The following AMELX variants were observed in gnomAD, a reference collection of about 807,000 sequenced individuals.
The protein encoded by AMELX is amelogenin, X isoform.
Under a neutral mutation model 15.8 loss-of-function variants are expected in AMELX, and 9 were observed. The ratio of observed to expected loss-of-function variants is 0.57; its 90% CI spans 0.34 to 0.99. AMELX has a LOEUF of 0.99. AMELX is among the 50% of genes least tolerant of loss of function. AMELX has a pLI of 0.02. For missense variants in AMELX, 107 were observed against 156.2 expected (o/e 0.68, Z 1.68); for synonymous variants, 61 against 58.8 (o/e 1.04, Z -0.17).
rs200163085 is a variant in AMELX at position 11,298,155 on chromosome X, A to G, written c.103-81A>G. ...GACAGGACTGCATTAGTGAGTCTATATTTCCTACTGCATCAGTGAGTTTCT... is the reference window on the plus strand; with the variant it reads ...GACAGGACTGCATTAGTGAGTCTATGTTTCCTACTGCATCAGTGAGTTTCT... On this transcript the variant is annotated intron_variant, in intron 3 of 5. Coordinates refer to ENST00000380714, the MANE Select transcript of AMELX (RefSeq NM_001142.2). The G allele has an allele frequency of 4.6e-3, 5,573 of 1,207,408 alleles. 17 individuals carry two copies. Among genetic ancestry groups the G allele is most frequent in the Middle Eastern group, 0.019 (82 of 4,329 alleles).
At chrX:11,301,247 C>T (rs2147580494), downstream of AMELX, among the ~76,000 whole-genome samples, 1 of 111,890 alleles carries the variant, frequency 8.9e-6, no homozygotes, top group Admixed American at 9.4e-5. Flanking sequence ...TAAAGTTATT[C>T]AAGTAATTTG....
chrX:11,306,691 C>T, the AMELX span, among the ~76,000 whole-genome samples: 2 of 112,129 alleles, frequency 1.8e-5, no homozygotes, highest in East Asian at 2.8e-4. Flanking sequence ...ATTCGTCATC[C>T]GCCTCTAGGA....
At chrX:11,296,622 C>G (rs2048088804) in intron 2 of AMELX, among the ~76,000 whole-genome samples, 157 bp from the exon 3 acceptor site, 1 of 111,824 alleles carries the variant, frequency 8.9e-6, no homozygotes, top group Admixed American at 9.5e-5. Context: ...AAACAGACCT[C>G]AAGTATATTC....
At position 11,298,283 on chromosome X, in the gene AMELX, T is replaced by C. The variant is rs994543951; in HGVS notation, c.144+6T>C. 2.5e-6 allele frequency: 3 copies of C among 1,207,564 alleles called. No homozygotes were observed. In the African/African-American group the frequency reaches 5.3e-5, roughly 21 times the overall value. On this transcript the variant is annotated splice_donor_region_variant and intron_variant, in intron 4 of 5. Coordinates refer to ENST00000380714, the MANE Select transcript of AMELX (RefSeq NM_001142.2). Reference sequence around the variant, plus strand: ...ACCAGAGCATAAGGCCACCGGTATGTAGACATTTTGTTCCTTATTCCCTGA... The same window carrying C: ...ACCAGAGCATAAGGCCACCGGTATGCAGACATTTTGTTCCTTATTCCCTGA...
Position 11,298,232 on chromosome X carries a change from T to G in AMELX, c.103-4T>G. 1 of 1,211,423 alleles carries G rather than the reference T, an allele frequency of 8.3e-7. No homozygotes were observed. The highest frequency in any genetic ancestry group is 1.8e-5 in the South Asian group (1 of 56,969). On this transcript the variant is annotated splice_polypyrimidine_tract_variant and splice_region_variant and intron_variant, in intron 3 of 5. Coordinates refer to ENST00000380714, the MANE Select transcript of AMELX (RefSeq NM_001142.2). ...AATGGGTTCTAATATCTTTTTCTCT[T>G]AAGGTGCTTACCCCTTTGAAGTGGT...
intron 3 of AMELX, 51 bp downstream of exon 3, chrX:11,296,877 T>G (rs762338830): frequency 8.6e-7 from 1 of 1,159,832 alleles, no homozygotes; most frequent in Admixed American, 2.2e-5. Context: ...AACAATGCCC[T>G]GGGCTCTGTA....
rs779323924 is a variant in AMELX, at chrX:11,298,235, G to A, written c.103-1G>A. 5 of 1,211,215 alleles carry A rather than the reference G, an allele frequency of 4.1e-6. No individual in the cohort carries two copies. The highest frequency in any genetic ancestry group is 5.6e-6 in the Non-Finnish European group (5 of 895,082). On this transcript the variant is annotated splice_acceptor_variant, in intron 3 of 5. Coordinates refer to ENST00000380714, the MANE Select transcript of AMELX (RefSeq NM_001142.2). LOFTEE classifies it high-confidence loss of function. Reference sequence around the variant, plus strand: ...GGGTTCTAATATCTTTTTCTCTTAAGGTGCTTACCCCTTTGAAGTGGTACC... The same window carrying A: ...GGGTTCTAATATCTTTTTCTCTTAAAGTGCTTACCCCTTTGAAGTGGTACC...
At chrX:11,306,372 C>G in the AMELX span, among the ~76,000 whole-genome samples, 1 of 112,715 alleles carries the variant, frequency 8.9e-6, no homozygotes. Flanking sequence ...GGAAAAATAC[C>G]TGGAAACTGG....
intron 3 of AMELX, 52 bp downstream of exon 3, chrX:11,296,878 G>C: frequency 8.6e-7 from 1 of 1,163,098 alleles, no homozygotes. Context: ...ACAATGCCCT[G>C]GGCTCTGTAA....
At chrX:11,295,832 A>C (rs1231556639) in intron 2 of AMELX, among the ~76,000 whole-genome samples, 1 of 111,942 alleles carries the variant, frequency 8.9e-6, no homozygotes, top group Non-Finnish European at 1.9e-5. Context: ...ATGAAATGTG[A>C]GCATTTTTAA....
intron 1 of AMELX, among the ~76,000 whole-genome samples, 155 bp from the exon 2 acceptor site, chrX:11,294,622 C>G (rs1222451073): frequency 8.9e-6 from 1 of 112,197 alleles, no homozygotes; most frequent in Non-Finnish European, 1.9e-5. Flanking sequence ...AGGCTGAGAG[C>G]TGGAAATCAC....
intron 2 of AMELX, among the ~76,000 whole-genome samples, chrX:11,296,498 T>C (rs958197753): frequency 1.8e-5 from 2 of 111,888 alleles, no homozygotes; most frequent in African/African-American, 3.3e-5. Context: ...TGCTGGTTTC[T>C]GCTTCCAGGT....
chrX:11,293,930 C>CTT (rs774054710), intron 1 of AMELX, among the ~76,000 whole-genome samples: 1 of 112,298 alleles, frequency 8.9e-6, no homozygotes, highest in Non-Finnish European at 1.9e-5. Flanking sequence ...ATATTCACTT[C>CTT]TTATACAAAA....
chrX:11,304,777 CTTTTTTTTTT>C (rs953912280), downstream of AMELX, among the ~76,000 whole-genome samples: 493 of 50,272 alleles, frequency 9.8e-3, 9 homozygotes, highest in African/African-American at 0.04. Flanking sequence ...CTTTCTTTTA[CTTTTTTTTTT>C]TTTTTTTTTT....
the AMELX span, among the ~76,000 whole-genome samples, chrX:11,305,900 G>C: frequency 1.4e-3 from 155 of 112,147 alleles, no homozygotes; most frequent in Non-Finnish European, 2.1e-3. Context: ...ATTGTAAGGA[G>C]AGAAGATGAT....
chrX:11,294,895 A>G (rs2048055595), intron 2 of AMELX, 53 bp downstream of exon 2: 1 of 1,161,797 alleles, frequency 8.6e-7, no homozygotes, highest in African/African-American at 1.8e-5. Context: ...AAACTTGGAC[A>G]TAAAAATCTG....
Position 11,300,688 on chromosome X carries a change from T to C in AMELX, c.*76T>C, listed in dbSNP as rs1385588941. ...ACACAAGAACACAATGATTTTTGCT[T>C]ATAATCACTTTACTTAGCAAATTCT... On this transcript the variant is annotated 3_prime_UTR_variant, in exon 6 of 6. Transcript: ENST00000380714. The C allele has an allele frequency of 3.0e-6, 3 of 1,000,346 alleles. No homozygotes were observed. The highest frequency in any genetic ancestry group is 4.2e-6 in the Non-Finnish European group (3 of 714,331). The allele number at this position is 1,000,346 out of a possible 1,213,427, so 82.4% of individuals were successfully genotyped here. A position where few individuals can be genotyped will look rare whatever the true frequency, so the allele number is the denominator to read the frequency against.
In AMELX at chrX:11,300,759, T is replaced by G. The variant is rs1264496428; in HGVS notation, c.*147T>G. The G allele has an allele frequency of 1.1e-5, 6 of 545,309 alleles. No homozygotes were observed. The highest frequency in any genetic ancestry group is 1.9e-5 in the Non-Finnish European group (6 of 323,089). 44.9% of individuals were successfully genotyped at this position (545,309 alleles called of 1,213,427 possible). ...AGCAGACAATAAAATGCATTAAAAATCATTCATGTCTTTGTGTTGAATGAA... is the reference window on the plus strand; with the variant it reads ...AGCAGACAATAAAATGCATTAAAAAGCATTCATGTCTTTGTGTTGAATGAA... On this transcript the variant is annotated 3_prime_UTR_variant, in exon 6 of 6. Coordinates refer to ENST00000380714, the MANE Select transcript of AMELX (RefSeq NM_001142.2).
chrX:11,304,782 T>A (rs2147587399), downstream of AMELX, among the ~76,000 whole-genome samples: 2 of 71,211 alleles, frequency 2.8e-5, no homozygotes, highest in African/African-American at 1.1e-4. Flanking sequence ...TTTTACTTTT[T>A]TTTTTTTTTT....
Sources: allele counts gnomAD v4.1 joint callset (sites outside exome capture counted in the v4.1 genomes callset), GRCh38; gene constraint gnomAD v4.1.1; transcripts MANE v1.5; gene names NCBI Gene and HGNC (gene_info 2026-07-23, HGNC 2026-07-21).